The following WRN variants were observed in gnomAD, a reference collection of about 807,000 sequenced individuals.
The protein encoded by WRN is bifunctional 3'-5' exonuclease/ATP-dependent helicase WRN.
Under a neutral mutation model 180.7 loss-of-function variants are expected in WRN, and 149 were observed. That is an observed-to-expected ratio of 0.82 (90% confidence interval 0.72 to 0.94). The LOEUF (loss-of-function observed/expected upper bound fraction) is 0.94, where lower values mean the gene tolerates loss of function less well. WRN is among the 40% of genes least tolerant of loss of function. The probability of loss-of-function intolerance (pLI) is 0.00; values close to 1 mark genes in which losing one functional copy is unlikely to be tolerated. For missense variants in WRN, 1,661 were observed against 1,700.1 expected, an observed-to-expected ratio of 0.98 and a Z score of 0.40; for synonymous variants, 548 against 568.9, an observed-to-expected ratio of 0.96 and a Z score of 0.52.
At chr8:31,083,997 CCTT>C (rs902599560) in intron 10 of WRN, among the ~76,000 whole-genome samples, 1 of 151,946 alleles carries the variant, frequency 6.6e-6, no homozygotes, top group East Asian at 1.9e-4. Context: ...TTTCCTTGTT[CCTT>C]CTTATTTTTT....
At chr8:31,084,344 A>G (rs536317245) in intron 10 of WRN, among the ~76,000 whole-genome samples, 1 of 152,108 alleles carries the variant, frequency 6.6e-6, no homozygotes, top group African/African-American at 2.4e-5. Flanking sequence ...AATTATTGCC[A>G]TTTTTTTATT....
intron 31 of WRN, among the ~76,000 whole-genome samples, chr8:31,153,626 AT>A (rs2130466046): frequency 6.6e-6 from 1 of 152,254 alleles, no homozygotes; most frequent in South Asian, 2.1e-4. Flanking sequence ...CCCCCAAAGT[AT>A]TTGGCAAGCA....
At position 31,085,193 on chromosome 8, in the gene WRN, G is replaced by A. The variant is rs556958354; in HGVS notation, c.1378G>A (p.Asp460Asn). The A allele has an allele frequency of 1.3e-4, 210 of 1,612,638 alleles. 1 individual carries two copies. The South Asian group carries it at 2.0e-3, about 16-fold the overall frequency. ...TTTATCTCCCAATGATAATGAAAAC[G>A]ATACGTCCTATGTAATTGAGAGTGA... ...KHLSPNDNEN[D>N]TSYVIESDED... Residue 460 changes from aspartate (D) to asparagine (N), a missense_variant, in exon 11 of 35, where the codon GAT (aspartate) becomes AAT (asparagine). Around this residue, in one of 3 missense-constraint regions of WRN, gnomAD observed 20 missense variants for 46.7 expected, o/e 0.43. Transcript: ENST00000298139.
chr8:31,067,208 T>G, intron 6 of WRN, 26 bp downstream of exon 6: 1 of 1,611,902 alleles, frequency 6.2e-7, no homozygotes, highest in East Asian at 2.2e-5. Flanking sequence ...TCTTTAGAAA[T>G]TGTGATGTGT....
chr8:31,081,006 G>A lies in WRN; in HGVS notation c.979G>A (p.Gly327Arg), dbSNP rs1813283817. The A allele has an allele frequency of 6.2e-7, 1 of 1,613,856 alleles. No homozygotes were observed. Among genetic ancestry groups the A allele is most frequent in the Non-Finnish European group, 8.5e-7 (1 of 1,179,924 alleles). ...ATCCTTTGAAGATTCAACTACTGGGGGAGTACAACAGAAACAAATTAGAGA... is the reference window on the plus strand; with the variant it reads ...ATCCTTTGAAGATTCAACTACTGGGAGAGTACAACAGAAACAAATTAGAGA... The part of the protein sequence containing the change: ...LLSFEDSTTG[G>R]VQQKQIREHE... The change falls in exon 9 of 35, where the codon GGA becomes AGA. Residue 327 changes from glycine to arginine, a missense_variant. By Grantham distance (125) the Gly-to-Arg change is moderately radical. Around this residue, in one of 3 missense-constraint regions of WRN, gnomAD observed 500 missense variants for 504.1 expected, o/e 0.99. Transcript: ENST00000298139.
intron 21 of WRN, 112 bp from the exon 22 acceptor site, chr8:31,124,410 G>T: frequency 3.9e-6 from 3 of 778,748 alleles, no homozygotes; most frequent in Non-Finnish European, 2.1e-6. Flanking sequence ...TATCTTGATG[G>T]GGTGTGGGTT....
intron 33 of WRN, among the ~76,000 whole-genome samples, chr8:31,164,567 C>T (rs1803774407): frequency 6.6e-6 from 1 of 152,084 alleles, no homozygotes; most frequent in African/African-American, 2.4e-5. Flanking sequence ...TTTAAAGGAG[C>T]TTTGTACCTT....
At chr8:31,157,127 T>C (rs886533551) in intron 32 of WRN, among the ~76,000 whole-genome samples, 8 of 152,344 alleles carry the variant, frequency 5.3e-5, no homozygotes, top group African/African-American at 1.9e-4. Flanking sequence ...AATTCTTCGG[T>C]AAAGCTGGGT....
At chr8:31,077,036 A>G (rs150072653) in intron 8 of WRN, among the ~76,000 whole-genome samples, 57 of 152,320 alleles carry the variant, frequency 3.7e-4, no homozygotes, top group African/African-American at 1.2e-3. Context: ...AATACTTTGT[A>G]GAAATGTGAT....
chr8:31,049,493 C>T (rs1812005330), intron 1 of WRN, among the ~76,000 whole-genome samples: 1 of 141,194 alleles, frequency 7.1e-6, no homozygotes, highest in South Asian at 2.2e-4. Flanking sequence ...GACTGAGCAA[C>T]AGAGCTAGAC....
intron 33 of WRN, among the ~76,000 whole-genome samples, chr8:31,158,232 T>A (rs1470279991): frequency 6.6e-6 from 1 of 152,150 alleles, no homozygotes; most frequent in Non-Finnish European, 1.5e-5. Context: ...TTCGCTTGAG[T>A]AGCCTTTCTA....
At chr8:31,085,633 C>G (rs961087260) in intron 11 of WRN, among the ~76,000 whole-genome samples, 1 of 151,984 alleles carries the variant, frequency 6.6e-6, no homozygotes, top group Admixed American at 6.6e-5. Context: ...CCATACCCGG[C>G]TTATTTTTGT....
chr8:31,087,117 A>T (rs530328928), intron 11 of WRN, among the ~76,000 whole-genome samples: 1 of 152,278 alleles, frequency 6.6e-6, no homozygotes, highest in Admixed American at 6.5e-5. Context: ...AGAGAAAGTA[A>T]AAACTGTAGT....
intron 26 of WRN, among the ~76,000 whole-genome samples, chr8:31,142,099 T>C (rs1444947946): frequency 6.6e-6 from 1 of 152,078 alleles, no homozygotes; most frequent in East Asian, 1.9e-4. Context: ...TGCACTACTA[T>C]GCCCAGCTAA....
chr8:31,061,750 AG>A (rs1812492133), intron 3 of WRN, among the ~76,000 whole-genome samples: 1 of 152,142 alleles, frequency 6.6e-6, no homozygotes, highest in Admixed American at 6.6e-5. Context: ...GAGTCTTTGT[AG>A]ACTGCCTCTG....
chr8:31,044,634 C>T (rs983733525), intron 1 of WRN, among the ~76,000 whole-genome samples: 1 of 152,120 alleles, frequency 6.6e-6, no homozygotes, highest in South Asian at 2.1e-4. Flanking sequence ...GGATTATAGG[C>T]GTGAGCCACT....
intron 23 of WRN, among the ~76,000 whole-genome samples, chr8:31,130,816 C>G (rs1479413890): frequency 1.3e-5 from 2 of 152,068 alleles, no homozygotes; most frequent in African/African-American, 4.8e-5. Flanking sequence ...CATTAAAATT[C>G]TCTAATTGAA....
intron 3 of WRN, among the ~76,000 whole-genome samples, chr8:31,061,018 T>C (rs1268727377): frequency 2.0e-5 from 3 of 152,204 alleles, no homozygotes; most frequent in African/African-American, 7.2e-5. Flanking sequence ...TTTAATCAAA[T>C]TTGAAAAATG....
At chr8:31,088,791 A>G (rs1813633522) in intron 12 of WRN, 99 bp from the exon 13 acceptor site, 1 of 979,998 alleles carries the variant, frequency 1.0e-6, no homozygotes, top group Non-Finnish European at 1.6e-6. Flanking sequence ...GGTAGCTGTC[A>G]CTGTATTCTT....
Sources: gnomAD v4.1 joint callset for allele counts (sites outside exome capture counted in the v4.1 genomes callset) on GRCh38, gnomAD v4.1.1 for gene constraint, gnomAD v4.1.1 regional missense constraint, MANE v1.5 for transcripts, NCBI Gene and HGNC (gene_info 2026-07-23, HGNC 2026-07-21) for gene names.